The following MAP2K4 variants were observed in gnomAD, a reference collection of about 807,000 sequenced individuals.
MAP2K4 encodes mitogen-activated protein kinase kinase 4, also known as dual specificity mitogen-activated protein kinase kinase 4.
Under a neutral mutation model 48.5 loss-of-function variants are expected in MAP2K4, and 4 were observed. That is an observed-to-expected ratio of 0.08 (90% confidence interval 0.04 to 0.19). The LOEUF (loss-of-function observed/expected upper bound fraction) is 0.19, where lower values mean the gene tolerates loss of function less well. MAP2K4 is among the 10% of genes least tolerant of loss of function. The pLI, the probability that MAP2K4 is intolerant of heterozygous loss-of-function variation, is 1.00. For synonymous variants in MAP2K4, 166 were observed against 173.1 expected (o/e 0.96, Z 0.32); for missense variants, 258 against 493.3 (o/e 0.52, Z 4.52).
At chr17:12,066,917 TC>T (rs1289823539) in intron 2 of MAP2K4, among the ~76,000 whole-genome samples, 1 of 152,202 alleles carries the variant, frequency 6.6e-6, no homozygotes, top group African/African-American at 2.4e-5. Context: ...GACCTCGTGA[TC>T]CGCCCGCCTC....
At chr17:12,113,129 C>G in intron 6 of MAP2K4, 104 bp from the exon 7 acceptor site, 1 of 931,106 alleles carries the variant, frequency 1.1e-6, no homozygotes, top group Admixed American at 2.2e-5. Context: ...AAGGACTTGA[C>G]CACTTATGTT....
chr17:12,082,790 A>G (rs1597448743), intron 3 of MAP2K4, among the ~76,000 whole-genome samples: 1 of 152,378 alleles, frequency 6.6e-6, no homozygotes, highest in South Asian at 2.1e-4. Flanking sequence ...GCAGGTGTAT[A>G]TACACAACAT....
intron 9 of MAP2K4, among the ~76,000 whole-genome samples, chr17:12,130,694 A>C (rs1194678323): frequency 6.6e-6 from 1 of 152,192 alleles, no homozygotes; most frequent in Admixed American, 6.5e-5. Flanking sequence ...ATTGCAAATC[A>C]TTAAGGTCTA....
chr17:12,034,961 A>G (rs1351234119), intron 1 of MAP2K4, among the ~76,000 whole-genome samples: 1 of 152,200 alleles, frequency 6.6e-6, no homozygotes, highest in Non-Finnish European at 1.5e-5. Flanking sequence ...ATGGGAGTGC[A>G]CACATCAGGG....
At chr17:12,023,296 T>G (rs554094039) in intron 1 of MAP2K4, among the ~76,000 whole-genome samples, 2 of 152,320 alleles carry the variant, frequency 1.3e-5, no homozygotes, top group South Asian at 4.1e-4. Flanking sequence ...TTTTGTTCTG[T>G]ATCTTAATTG....
intron 1 of MAP2K4, among the ~76,000 whole-genome samples, chr17:12,050,101 AG>A (rs1485006661): frequency 2.0e-5 from 3 of 152,248 alleles, no homozygotes; most frequent in East Asian, 3.9e-4. Context: ...CCATTCTTAC[AG>A]GCTGGGTGGG....
At chr17:12,070,829 C>T (rs1475263386) in intron 2 of MAP2K4, among the ~76,000 whole-genome samples, 1 of 152,200 alleles carries the variant, frequency 6.6e-6, no homozygotes, top group Non-Finnish European at 1.5e-5. Context: ...GGTTGTGACT[C>T]ATGATTTAGA....
chr17:12,112,178 A>G (rs1972328201), intron 6 of MAP2K4, among the ~76,000 whole-genome samples: 3 of 152,110 alleles, frequency 2.0e-5, no homozygotes, highest in Admixed American at 6.6e-5. Context: ...GAAAGTATGG[A>G]TGGGGCTGGG....
At chr17:12,023,366 T>C (rs1024514016) in intron 1 of MAP2K4, among the ~76,000 whole-genome samples, 2 of 152,180 alleles carry the variant, frequency 1.3e-5, no homozygotes, top group Non-Finnish European at 2.9e-5. Context: ...CATCCAATTG[T>C]ATGGGAGTCA....
chr17:12,074,968 A>T (rs373094347), intron 2 of MAP2K4, among the ~76,000 whole-genome samples: 1 of 151,958 alleles, frequency 6.6e-6, no homozygotes, highest in South Asian at 2.1e-4. Flanking sequence ...TGTTTTAGGT[A>T]TGAGGGTAAG....
At chr17:12,093,397 T>G (rs1041610376) in intron 3 of MAP2K4, among the ~76,000 whole-genome samples, 1 of 152,196 alleles carries the variant, frequency 6.6e-6, no homozygotes, top group African/African-American at 2.4e-5. Flanking sequence ...CTTTAGATCA[T>G]GTAGTCCATA....
At chr17:12,123,978 A>C (rs182093062) in intron 7 of MAP2K4, among the ~76,000 whole-genome samples, 5 of 152,264 alleles carry the variant, frequency 3.3e-5, no homozygotes, top group African/African-American at 1.2e-4. Context: ...GTTTGGGGAA[A>C]ATGTTGATCT....
intron 3 of MAP2K4, among the ~76,000 whole-genome samples, chr17:12,094,114 T>C (rs1347358146): frequency 1.3e-5 from 2 of 152,208 alleles, no homozygotes; most frequent in Non-Finnish European, 2.9e-5. Context: ...TTTGTTTCCA[T>C]TTTTCATTCT....
intron 2 of MAP2K4, among the ~76,000 whole-genome samples, chr17:12,060,132 A>G (rs1374895141): frequency 6.6e-6 from 1 of 150,788 alleles, no homozygotes; most frequent in East Asian, 1.9e-4. Flanking sequence ...GTACCACTGC[A>G]CTCCAGCCTG....
intron 1 of MAP2K4, among the ~76,000 whole-genome samples, chr17:12,022,047 G>GA (rs1969091896): frequency 6.6e-6 from 1 of 152,182 alleles, no homozygotes; most frequent in African/African-American, 2.4e-5. Context: ...TGCTTGTGTT[G>GA]AATTATTAAC....
At chr17:12,050,789 A>G (rs1171086466) in intron 1 of MAP2K4, among the ~76,000 whole-genome samples, 1 of 152,200 alleles carries the variant, frequency 6.6e-6, no homozygotes, top group African/African-American at 2.4e-5. Context: ...CTTCCCTCCA[A>G]CTTCAATATT....
intron 2 of MAP2K4, among the ~76,000 whole-genome samples, chr17:12,073,834 G>C (rs1333129433): frequency 2.0e-5 from 3 of 149,480 alleles, no homozygotes; most frequent in African/African-American, 7.4e-5. Context: ...GTGCAGTGGC[G>C]TGATCTCGGC....
intron 3 of MAP2K4, among the ~76,000 whole-genome samples, chr17:12,082,361 A>G (rs1056574920): frequency 6.6e-6 from 1 of 152,182 alleles, no homozygotes; most frequent in Non-Finnish European, 1.5e-5. Flanking sequence ...AAAACAAAGG[A>G]AAAAAAGCTA....
At chr17:12,060,115 C>A (rs1298236883) in intron 2 of MAP2K4, among the ~76,000 whole-genome samples, 1 of 151,024 alleles carries the variant, frequency 6.6e-6, no homozygotes, top group East Asian at 1.9e-4. Flanking sequence ...GAGGTTGAGG[C>A]TACAGTGTAC....
Sources: gnomAD v4.1 joint callset for allele counts (sites outside exome capture counted in the v4.1 genomes callset) on GRCh38, gnomAD v4.1.1 for gene constraint, MANE v1.5 for transcripts, NCBI Gene and HGNC (gene_info 2026-07-23, HGNC 2026-07-21) for gene names.